The following TRIM2 variants were observed in gnomAD, a reference collection of about 807,000 sequenced individuals.
TRIM2 encodes tripartite motif containing 2.
In TRIM2, 20 loss-of-function variants were observed where a neutral mutation model predicts 75.2. The observed-to-expected ratio is 0.27, with a 90% confidence interval of 0.19 to 0.39. The LOEUF (loss-of-function observed/expected upper bound fraction) is 0.39. Ranked by LOEUF, TRIM2 falls within the 10% of genes least tolerant of loss-of-function variation. The probability of loss-of-function intolerance (pLI) is 1.00; values close to 1 mark genes in which losing one functional copy is unlikely to be tolerated. For missense variants in TRIM2, 660 were observed against 990.8 expected (o/e 0.67, Z 4.48); for synonymous variants, 373 against 388.3 (o/e 0.96, Z 0.46).
intron 1 of TRIM2, chr4:153,267,004 A>G (rs1433730952): frequency 2.0e-5 from 3 of 150,800 alleles, no homozygotes; most frequent in African/African-American, 7.3e-5. Flanking sequence ...CTGCACTTGG[A>G]CCAGCCAGCA....
intron 1 of TRIM2, among the ~76,000 whole-genome samples, chr4:153,195,522 A>AAAAAAG (rs1215006069): frequency 1.3e-5 from 2 of 152,148 alleles, no homozygotes; most frequent in East Asian, 3.9e-4. Flanking sequence ...TCTCAAAAGA[A>AAAAAAG]AAAAAGAAAA....
intron 1 of TRIM2, among the ~76,000 whole-genome samples, chr4:153,164,978 GTTTA>G (rs1406732595): frequency 6.6e-6 from 1 of 151,654 alleles, no homozygotes; most frequent in Non-Finnish European, 1.5e-5. Flanking sequence ...TTTTCTATGG[GTTTA>G]TTGTTAGTCT....
intron 1 of TRIM2, among the ~76,000 whole-genome samples, chr4:153,234,100 C>G (rs1744374240): frequency 1.3e-5 from 2 of 152,138 alleles, no homozygotes; most frequent in African/African-American, 4.8e-5. Flanking sequence ...GCTTCAATCC[C>G]CATAAATACT....
chr4:153,200,724 A>AAAAAAAAAT (rs1405991305), upstream of TRIM2, among the ~76,000 whole-genome samples: 7 of 138,144 alleles, frequency 5.1e-5, no homozygotes, highest in African/African-American at 1.9e-4. Context: ...AAGAAAAAAA[A>AAAAAAAAAT]ATATATATAT....
chr4:153,305,907 T>TG (rs1367484411), intron 6 of TRIM2, among the ~76,000 whole-genome samples: 2 of 152,102 alleles, frequency 1.3e-5, no homozygotes, highest in African/African-American at 4.8e-5. Flanking sequence ...GAGGCTGAGG[T>TG]GGGCAGATCA....
At position 153,324,065 on chromosome 4, in the gene TRIM2, A is replaced by G; in HGVS notation, c.1952-13A>G. ...TTGTAGTCATCACATATTTTTTTCC[A>G]TCTTTATTGCAGGTCCCCATTTTGC... On this transcript the variant is annotated splice_polypyrimidine_tract_variant and intron_variant, in intron 9 of 11. Coordinates refer to ENST00000338700, the MANE Select transcript of TRIM2 (RefSeq NM_015271.5). 1 of 1,609,062 alleles carries G rather than the reference A, an allele frequency of 6.2e-7. No homozygotes were observed. Among genetic ancestry groups the G allele is most frequent in the Non-Finnish European group, 8.5e-7 (1 of 1,177,842 alleles).
intron 1 of TRIM2, among the ~76,000 whole-genome samples, chr4:153,212,327 G>A (rs544376238): frequency 6.6e-6 from 1 of 152,322 alleles, no homozygotes; most frequent in Admixed American, 6.5e-5. Context: ...ATAAGTGGGA[G>A]GTACACAGTG....
At chr4:153,165,365 C>G (rs1044495430) in intron 1 of TRIM2, among the ~76,000 whole-genome samples, 2 of 152,194 alleles carry the variant, frequency 1.3e-5, no homozygotes, top group Non-Finnish European at 2.9e-5. Context: ...GGGTCTCACT[C>G]TGTTGCCCAG....
rs1292024191 is a variant in TRIM2, at chr4:153,336,757, G to T, written c.*1791G>T. On this transcript the variant is annotated 3_prime_UTR_variant, in exon 12 of 12. Transcript: ENST00000338700. ...AAGGGAAATCTAGCTACTTCAAATT[G>T]TCTGTTAAATTTATTATGCCCAAAT... is the stretch of plus-strand genomic sequence containing the variant. 1 of 985,398 alleles carries T rather than the reference G, an allele frequency of 1.0e-6. No individual in the cohort carries two copies. The highest frequency in any genetic ancestry group is 1.2e-6 in the Non-Finnish European group (1 of 829,710). The allele number at this position is 985,398 out of a possible 1,614,324, so 61.0% of individuals were successfully genotyped here. A position where few individuals can be genotyped will look rare whatever the true frequency, so the allele number is the denominator to read the frequency against.
rs772644797 is a variant in TRIM2, at chr4:153,334,772, A to G, written c.2164-42A>G. The G allele has an allele frequency of 9.7e-6, 15 of 1,547,384 alleles. No homozygotes were observed. The African/African-American group carries it at 1.1e-4, about 11-fold the overall frequency. ...TCTAACCCATGTTCAGCATATTACT[A>G]TAACTTCTCCTATAACATTCTGACT... On this transcript the variant is annotated intron_variant, in intron 11 of 11. Coordinates refer to ENST00000338700, the MANE Select transcript of TRIM2 (RefSeq NM_015271.5).
intron 1 of TRIM2, among the ~76,000 whole-genome samples, chr4:153,206,604 T>C (rs1390616735): frequency 6.6e-6 from 1 of 152,186 alleles, no homozygotes; most frequent in Non-Finnish European, 1.5e-5. Context: ...TGGGTTTTTA[T>C]GGAGGCCTCA....
intron 7 of TRIM2, 83 bp from the exon 8 acceptor site, chr4:153,315,749 T>C: frequency 1.3e-6 from 2 of 1,533,704 alleles, no homozygotes; most frequent in East Asian, 2.3e-5. Context: ...GATCTCTGTA[T>C]GTATGGCAGA....
At chr4:153,247,731 A>G (rs1749656187) in intron 1 of TRIM2, among the ~76,000 whole-genome samples, 1 of 149,630 alleles carries the variant, frequency 6.7e-6, no homozygotes, top group Non-Finnish European at 1.5e-5. Context: ...CTGATTTTGC[A>G]TGATTCTGCT....
intron 1 of TRIM2, among the ~76,000 whole-genome samples, chr4:153,204,818 G>C (rs1734948285): frequency 6.6e-6 from 1 of 152,154 alleles, no homozygotes; most frequent in African/African-American, 2.4e-5. Flanking sequence ...CATGAATGTG[G>C]CAAAGCATAA....
chr4:153,223,762 CTT>C (rs1337940537), intron 1 of TRIM2, among the ~76,000 whole-genome samples: 1 of 152,168 alleles, frequency 6.6e-6, no homozygotes, highest in Middle Eastern at 3.2e-3. Flanking sequence ...GGCCCCTTTG[CTT>C]TCCCGGGAAA....
Position 153,322,791 on chromosome 4 carries a change from A to C in TRIM2, c.1926A>C (p.Arg642=), listed in dbSNP as rs1769296079. ...AAATAGTCACCAGGTTTGGTAGCCGAGGAAATGGGGACAGGCAGTTTGCAG... is the reference window on the plus strand; with the variant it reads ...AAATAGTCACCAGGTTTGGTAGCCGCGGAAATGGGGACAGGCAGTTTGCAG... ...NGKIVTRFGS[R]GNGDRQFAGP... is the part of the protein sequence containing the mutation. The change falls in exon 9 of 12, where the codon CGA becomes CGC. Residue 642 remains arginine, a synonymous_variant. Coordinates refer to ENST00000338700, the MANE Select transcript of TRIM2 (RefSeq NM_015271.5). 1.2e-6 allele frequency: 2 copies of C among 1,614,094 alleles called. No homozygotes were observed. The highest frequency in any genetic ancestry group is 1.3e-5 in the African/African-American group (1 of 74,932).
chr4:153,235,552 C>T (rs1194918573), intron 1 of TRIM2, among the ~76,000 whole-genome samples: 1 of 152,114 alleles, frequency 6.6e-6, no homozygotes, highest in Non-Finnish European at 1.5e-5. Flanking sequence ...TCCCAAAGTG[C>T]TGGGATTACA....
At chr4:153,329,161 ATTAT>A (rs1377699248) in intron 11 of TRIM2, among the ~76,000 whole-genome samples, 3 of 152,134 alleles carry the variant, frequency 2.0e-5, no homozygotes, top group African/African-American at 7.2e-5. Context: ...ACTATTTCTT[ATTAT>A]TTAATGTGCT....
intron 8 of TRIM2, among the ~76,000 whole-genome samples, chr4:153,321,204 G>A (rs576727258): frequency 2.0e-5 from 3 of 152,322 alleles, no homozygotes; most frequent in African/African-American, 7.2e-5. Context: ...CAGTAGACAT[G>A]TTTGTCCCTG....
Sources: allele counts gnomAD v4.1 joint callset (sites outside exome capture counted in the v4.1 genomes callset), GRCh38; gene constraint gnomAD v4.1.1; transcripts MANE v1.5; gene names NCBI Gene and HGNC (gene_info 2026-07-23, HGNC 2026-07-21).